Variants in PEAK1 observed in about 807,000 individuals in gnomAD.
The protein encoded by PEAK1 is pseudopodium enriched atypical kinase 1.
A neutral mutation model predicts 124.7 loss-of-function variants in PEAK1; 54 were observed. The ratio of observed to expected loss-of-function variants is 0.43; its 90% CI spans 0.35 to 0.54. The LOEUF (loss-of-function observed/expected upper bound fraction) is 0.54. PEAK1 is among the 20% of genes least tolerant of loss of function. PEAK1 has a pLI of 0.01. For missense variants in PEAK1, 2,046 were observed against 2,134.5 expected (o/e 0.96, Z 0.82); for synonymous variants, 719 against 760.0 (o/e 0.95, Z 0.89).
intron 7 of PEAK1, among the ~76,000 whole-genome samples, chr15:77,173,422 C>T (rs1369346041): frequency 6.6e-6 from 1 of 152,096 alleles, no homozygotes; most frequent in Non-Finnish European, 1.5e-5. Flanking sequence ...AAGTTATTAA[C>T]AAATCTATCA....
At chr15:77,129,738 G>A (rs551928658) in intron 9 of PEAK1, among the ~76,000 whole-genome samples, 4 of 151,916 alleles carry the variant, frequency 2.6e-5, no homozygotes, top group African/African-American at 7.2e-5. Flanking sequence ...GAGCCACCAC[G>A]CCCAGTCTAC....
At chr15:77,259,025 C>G (rs562649941) in intron 5 of PEAK1, among the ~76,000 whole-genome samples, 3 of 151,808 alleles carry the variant, frequency 2.0e-5, no homozygotes, top group South Asian at 2.1e-4. Context: ...TGCTGGATTA[C>G]ATTTATTGAT....
chr15:77,162,782 A>C (rs1323524798), intron 7 of PEAK1, among the ~76,000 whole-genome samples: 1 of 152,196 alleles, frequency 6.6e-6, no homozygotes, highest in African/African-American at 2.4e-5. Flanking sequence ...AAAAAATAAA[A>C]ATTTCCCCCA....
intron 2 of PEAK1, among the ~76,000 whole-genome samples, chr15:77,341,359 G>T (rs569714915): frequency 6.6e-6 from 1 of 152,194 alleles, no homozygotes; most frequent in East Asian, 1.9e-4. Flanking sequence ...AATCAGCTGG[G>T]CATAGTGGCA....
intron 6 of PEAK1, among the ~76,000 whole-genome samples, chr15:77,233,796 C>T (rs749883026): frequency 6.6e-6 from 1 of 152,152 alleles, no homozygotes. Context: ...TTCCTTATTA[C>T]AATTTGAATA....
intron 1 of PEAK1, among the ~76,000 whole-genome samples, chr15:77,368,906 TA>T (rs1378406692): frequency 3.9e-5 from 6 of 152,142 alleles, no homozygotes; most frequent in African/African-American, 1.4e-4. Flanking sequence ...AAAGAACATA[TA>T]TAGAAGAATC....
At chr15:77,401,538 CTTTT>C (rs778804562) in intron 1 of PEAK1, 127 of 974,690 alleles carry the variant, frequency 1.3e-4, no homozygotes, top group Non-Finnish European at 1.5e-4. Flanking sequence ...AATCACATTT[CTTTT>C]GTTTCTTAAA....
In PEAK1 at chr15:77,112,915, A is replaced by G. The variant is rs2051071178; in HGVS notation, c.*1241T>C. On this transcript the variant is annotated 3_prime_UTR_variant, in exon 10 of 10. Coordinates refer to ENST00000682557, the MANE Select transcript of PEAK1 (RefSeq NM_001385026.1). ...ACAGCTCTCAATCACCCACCTCAGCAATCAGAATTCCTGTGAGCTGTCCTC... is the reference window on the plus strand; with the variant it reads ...ACAGCTCTCAATCACCCACCTCAGCGATCAGAATTCCTGTGAGCTGTCCTC... 6.6e-6 allele frequency: 1 copy of G among 152,276 alleles called. No homozygotes were observed. Among genetic ancestry groups the G allele is most frequent in the African/African-American group, 2.4e-5 (1 of 41,458 alleles). 9.4% of individuals were successfully genotyped at this position (152,276 alleles called of 1,614,324 possible).
At chr15:77,165,531 T>C (rs1193155096) in intron 7 of PEAK1, among the ~76,000 whole-genome samples, 9 of 152,140 alleles carry the variant, frequency 5.9e-5, no homozygotes, top group Admixed American at 5.2e-4. Context: ...CGGACTTTTT[T>C]TCCCTAATGC....
chr15:77,380,547 C>T (rs2069391904), intron 1 of PEAK1, among the ~76,000 whole-genome samples: 1 of 152,178 alleles, frequency 6.6e-6, no homozygotes, highest in Admixed American at 6.5e-5. Context: ...GGCACGATCA[C>T]AGCTCACTGC....
At chr15:77,309,661 A>G (rs1226719945) in intron 2 of PEAK1, among the ~76,000 whole-genome samples, 1 of 152,138 alleles carries the variant, frequency 6.6e-6, no homozygotes. Flanking sequence ...CCCTTTATTT[A>G]ATCCACCAAA....
chr15:77,288,180 A>C (rs2063023357), intron 2 of PEAK1, among the ~76,000 whole-genome samples: 1 of 151,476 alleles, frequency 6.6e-6, no homozygotes, highest in African/African-American at 2.5e-5. Context: ...CTTTATTCAA[A>C]GAATAAATGT....
chr15:77,165,593 T>C (rs1308068764), intron 7 of PEAK1, among the ~76,000 whole-genome samples: 1 of 152,052 alleles, frequency 6.6e-6, no homozygotes, highest in Admixed American at 6.6e-5. Flanking sequence ...TTTCCTCTTA[T>C]CTCCCTCTGC....
intron 2 of PEAK1, among the ~76,000 whole-genome samples, chr15:77,291,525 A>G (rs763081459): frequency 5.3e-5 from 8 of 152,198 alleles, no homozygotes; most frequent in Non-Finnish European, 1.0e-4. Context: ...ATTATGCTCA[A>G]GTGTGCTATA....
chr15:77,218,011 A>C (rs2059223396), intron 6 of PEAK1, among the ~76,000 whole-genome samples: 1 of 152,208 alleles, frequency 6.6e-6, no homozygotes, highest in Non-Finnish European at 1.5e-5. Context: ...ATCTTTTAAA[A>C]AATTCCTTAG....
chr15:77,323,195 T>C (rs1471696727), intron 2 of PEAK1, among the ~76,000 whole-genome samples: 2 of 152,160 alleles, frequency 1.3e-5, no homozygotes, highest in Non-Finnish European at 2.9e-5. Context: ...GGGCAAAAAC[T>C]GGAAGCGTTC....
chr15:77,179,626 A>G lies in PEAK1; in HGVS notation c.2301T>C (p.Leu767=). 1 of 1,614,098 alleles carries G rather than the reference A, an allele frequency of 6.2e-7. No individual in the cohort carries two copies. The highest frequency in any genetic ancestry group is 1.1e-5 in the South Asian group (1 of 91,082). The part of the protein sequence containing the change: ...SSTREKASTV[L]SQIVASIQPP... ...GTTGGATTGAAGCCACAATCTGAGA[A>G]AGCACTGTGCTTGCTTTCTCTCTGG... Residue 767 remains leucine (L), a synonymous_variant, in exon 7 of 10, where the codon CTT becomes CTC. Coordinates refer to ENST00000682557, the MANE Select transcript of PEAK1 (RefSeq NM_001385026.1).
chr15:77,247,271 T>C (rs1304552123), intron 6 of PEAK1, among the ~76,000 whole-genome samples: 1 of 152,138 alleles, frequency 6.6e-6, no homozygotes, highest in East Asian at 1.9e-4. Context: ...TGTCTTGTTC[T>C]CAATTTTAGG....
rs1362409441 is a variant in PEAK1 at position 77,180,394 on chromosome 15, T to A, written c.1533A>T (p.Ser511=). Residue 511 remains serine, a synonymous_variant, in exon 7 of 10, where the codon TCA becomes TCT. Transcript: ENST00000682557. ...SSSTPNSPVT[S]SSLTPGQISA... is the part of the protein sequence containing the mutation. ...TTATTTGTCCTGGTGTCAATGAAGA[T>A]GATGTAACTGGAGAGTTTGGAGTAG... 2 of 1,614,162 alleles carry A rather than the reference T, an allele frequency of 1.2e-6. No individual in the cohort carries two copies. Among genetic ancestry groups the A allele is most frequent in the Admixed American group, 3.3e-5 (2 of 60,016 alleles).
Sources: gnomAD v4.1 joint callset for allele counts (sites outside exome capture counted in the v4.1 genomes callset) on GRCh38, gnomAD v4.1.1 for gene constraint, MANE v1.5 for transcripts, NCBI Gene and HGNC (gene_info 2026-07-23, HGNC 2026-07-21) for gene names.